The following LNP1 variants were observed in gnomAD, a reference collection of about 807,000 sequenced individuals.
LNP1 encodes leukemia NUP98 fusion partner 1.
In LNP1, 12 loss-of-function variants were observed where a neutral mutation model predicts 14.5. That is an observed-to-expected ratio of 0.83 (90% CI 0.53 to 1.34). The LOEUF (loss-of-function observed/expected upper bound fraction) is 1.34, where lower values mean the gene tolerates loss of function less well. LNP1 is among the 40% of genes most tolerant of loss of function. The pLI is 0.00. For missense variants in LNP1, 198 were observed against 210.9 expected (o/e 0.94, Z 0.38); for synonymous variants, 75 against 71.4 (o/e 1.05, Z -0.26).
intron 1 of LNP1, among the ~76,000 whole-genome samples, chr3:100,407,596 A>G (rs1404781195): frequency 1.3e-5 from 2 of 152,130 alleles, no homozygotes; most frequent in African/African-American, 2.4e-5. Context: ...TCTAATTGCA[A>G]ATCTTTGACC....
chr3:100,419,396 C>T (rs1707122515), intron 1 of LNP1, among the ~76,000 whole-genome samples: 1 of 152,142 alleles, frequency 6.6e-6, no homozygotes, highest in Non-Finnish European at 1.5e-5. Context: ...CTAATGTTGA[C>T]ATCTTGTATA....
intron 2 of LNP1, among the ~76,000 whole-genome samples, chr3:100,441,618 C>T (rs552016629): frequency 4.1e-4 from 59 of 142,416 alleles, no homozygotes; most frequent in Non-Finnish European, 6.8e-4. Flanking sequence ...GCTTTTGATA[C>T]GCATTAGCTT....
At chr3:100,419,034 A>G (rs1353279999) in intron 1 of LNP1, among the ~76,000 whole-genome samples, 2 of 152,158 alleles carry the variant, frequency 1.3e-5, no homozygotes, top group Non-Finnish European at 2.9e-5. Flanking sequence ...TACCAGGTCT[A>G]TAGCTGTTGG....
At chr3:100,426,145 G>A (rs1707190451) in intron 1 of LNP1, among the ~76,000 whole-genome samples, 1 of 152,150 alleles carries the variant, frequency 6.6e-6, no homozygotes, top group Non-Finnish European at 1.5e-5. Flanking sequence ...CAACTAGTTC[G>A]GTTTCAAATG....
At chr3:100,452,205 T>TC (rs1056589647) in intron 3 of LNP1, among the ~76,000 whole-genome samples, 19 of 147,866 alleles carry the variant, frequency 1.3e-4, no homozygotes, top group African/African-American at 3.7e-4. Flanking sequence ...TTTCTTTCTT[T>TC]TTTTTTTTTT....
rs541538648 is a variant in LNP1 at position 100,443,402 on chromosome 3, G to A, written c.157-8317G>A. Among the ~76,000 whole-genome samples, 92 of 152,188 alleles carry A rather than the reference G, an allele frequency of 6.0e-4. 1 individual carries two copies. The highest frequency in any genetic ancestry group is 2.1e-3 in the African/African-American group (88 of 41,522). On this transcript the variant is annotated intron_variant, in intron 2 of 3. Coordinates refer to ENST00000383693, the MANE Select transcript of LNP1 (RefSeq NM_001085451.2). ...GGACTGCTGTGCTTTATTATACTTG[G>A]CCTAATCATTTGTATACAGTTCAAC... is the stretch of plus-strand genomic sequence containing the variant.
At chr3:100,428,002 G>A (rs186844758) in intron 1 of LNP1, among the ~76,000 whole-genome samples, 7 of 152,312 alleles carry the variant, frequency 4.6e-5, no homozygotes, top group South Asian at 2.1e-4. Flanking sequence ...AAGGATTTTC[G>A]TAGGGCAAAT....
At chr3:100,443,242 C>T (rs879644635) in intron 2 of LNP1, among the ~76,000 whole-genome samples, 9 of 152,048 alleles carry the variant, frequency 5.9e-5, no homozygotes, top group South Asian at 2.1e-4. Context: ...ATACAGAATT[C>T]GGTCCAAAAT....
chr3:100,433,289 A>C (rs200646663), intron 2 of LNP1, among the ~76,000 whole-genome samples: 2 of 151,428 alleles, frequency 1.3e-5, no homozygotes, highest in Admixed American at 1.3e-4. Flanking sequence ...TCATTGTTCA[A>C]CTCCCACTTG....
intron 2 of LNP1, among the ~76,000 whole-genome samples, chr3:100,447,816 T>G (rs1185911152): frequency 6.6e-6 from 1 of 152,030 alleles, no homozygotes; most frequent in Non-Finnish European, 1.5e-5. Flanking sequence ...TTTTGATAAC[T>G]TTTTTTTACA....
chr3:100,424,868 A>G (rs1468712641), intron 1 of LNP1, among the ~76,000 whole-genome samples: 1 of 152,228 alleles, frequency 6.6e-6, no homozygotes, highest in Non-Finnish European at 1.5e-5. Context: ...ACGACACAGT[A>G]TGAAACTAAC....
chr3:100,444,882 A>T (rs1707374583), intron 2 of LNP1, among the ~76,000 whole-genome samples: 1 of 152,204 alleles, frequency 6.6e-6, no homozygotes, highest in Non-Finnish European at 1.5e-5. Flanking sequence ...ACCTTTATTA[A>T]GGCGTCAGCT....
chr3:100,416,409 G>A (rs1331904979), intron 1 of LNP1, among the ~76,000 whole-genome samples: 1 of 152,078 alleles, frequency 6.6e-6, no homozygotes, highest in Non-Finnish European at 1.5e-5. Flanking sequence ...AGGAAGCCCT[G>A]TTTTGTTTTG....
At chr3:100,435,045 A>G (rs1481186574) in intron 2 of LNP1, among the ~76,000 whole-genome samples, 2 of 152,152 alleles carry the variant, frequency 1.3e-5, no homozygotes, top group South Asian at 2.1e-4. Context: ...GAGAGAACAC[A>G]TACTATCAAG....
chr3:100,424,725 A>T (rs1035262024), intron 1 of LNP1, among the ~76,000 whole-genome samples: 8 of 152,216 alleles, frequency 5.3e-5, no homozygotes, highest in Admixed American at 1.3e-4. Flanking sequence ...CCCAGAAGCC[A>T]GCTAAGGGCT....
chr3:100,443,431 A>C (rs574875282), intron 2 of LNP1, among the ~76,000 whole-genome samples: 1 of 152,320 alleles, frequency 6.6e-6, no homozygotes, highest in South Asian at 2.1e-4. Flanking sequence ...GTTCAACAAG[A>C]ATAATTATTT....
intron 1 of LNP1, among the ~76,000 whole-genome samples, chr3:100,426,708 C>A (rs545137020): frequency 6.6e-6 from 1 of 152,202 alleles, no homozygotes; most frequent in African/African-American, 2.4e-5. Context: ...TAGGCTCCAA[C>A]AGGCAAAAAT....
At chr3:100,441,632 AT>A (rs1242002935) in intron 2 of LNP1, among the ~76,000 whole-genome samples, 9 of 12,700 alleles carry the variant, frequency 7.1e-4, no homozygotes, top group Non-Finnish European at 1.5e-3. Flanking sequence ...TTAGCTTTAA[AT>A]ATATATATAT....
intron 1 of LNP1, among the ~76,000 whole-genome samples, chr3:100,405,486 G>A (rs976798981): frequency 6.6e-6 from 1 of 152,158 alleles, no homozygotes; most frequent in Non-Finnish European, 1.5e-5. Flanking sequence ...CCTGAGGATG[G>A]GGGTTTGAGA....
Sources: allele counts gnomAD v4.1 joint callset (sites outside exome capture counted in the v4.1 genomes callset), GRCh38; gene constraint gnomAD v4.1.1; transcripts MANE v1.5; gene names NCBI Gene and HGNC (gene_info 2026-07-23, HGNC 2026-07-21).